The following GALNT17 variants were observed in gnomAD, a reference collection of about 807,000 sequenced individuals.
The protein encoded by GALNT17 is polypeptide N-acetylgalactosaminyltransferase 17, also known as UDP-GalNAc:polypeptide N-acetylgalactosaminyltransferase-like 3.
In GALNT17, 29 loss-of-function variants were observed where a neutral mutation model predicts 63.7. That is an observed-to-expected ratio of 0.46 (90% CI 0.34 to 0.62). The LOEUF (loss-of-function observed/expected upper bound fraction) is 0.62, where lower values mean the gene tolerates loss of function less well. Among genes scored for constraint, GALNT17 ranks in the 20% least tolerant of loss-of-function variants. The pLI, the probability that GALNT17 is intolerant of heterozygous loss-of-function variation, is 0.01. For synonymous variants in GALNT17, 305 were observed against 318.3 expected, an observed-to-expected ratio of 0.96 and a Z score of 0.45; for missense variants, 603 against 799.6, an observed-to-expected ratio of 0.75 and a Z score of 2.97.
intron 6 of GALNT17, among the ~76,000 whole-genome samples, chr7:71,661,585 CTT>C (rs1216509727): frequency 6.6e-6 from 1 of 152,156 alleles, no homozygotes; most frequent in Non-Finnish European, 1.5e-5. Context: ...AAAGTGCAGA[CTT>C]AGGCTGAGGC....
rs770258213 is a variant in GALNT17, at chr7:71,373,995, T to C, written c.423-14240T>C. Among the ~76,000 whole-genome samples, 120 of 152,242 alleles carry C rather than the reference T, an allele frequency of 7.9e-4. 3 individuals are homozygous for C. The highest frequency in any genetic ancestry group is 2.1e-4 in the Non-Finnish European group (14 of 68,052). ...GTTACCTATTCTTTCAGGTGCAATG[T>C]TGAAATCATTTCTCAAGTGCTAAAA... is the stretch of plus-strand genomic sequence containing the variant. On this transcript the variant is annotated intron_variant, in intron 2 of 10. Transcript: ENST00000333538.
intron 6 of GALNT17, among the ~76,000 whole-genome samples, chr7:71,640,511 A>G (rs1790588834): frequency 6.6e-6 from 1 of 152,182 alleles, no homozygotes; most frequent in Non-Finnish European, 1.5e-5. Flanking sequence ...AATGTAGGCT[A>G]GACATTTTTA....
intron 5 of GALNT17, among the ~76,000 whole-genome samples, chr7:71,470,131 C>A (rs1787603682): frequency 1.3e-5 from 2 of 152,148 alleles, no homozygotes; most frequent in Non-Finnish European, 2.9e-5. Context: ...ATCACTTGAA[C>A]CTGGGAGGCA....
At chr7:71,139,003 T>C (rs1309311131) in intron 1 of GALNT17, among the ~76,000 whole-genome samples, 1 of 152,098 alleles carries the variant, frequency 6.6e-6, no homozygotes, top group Non-Finnish European at 1.5e-5. Flanking sequence ...AAAAAGAAAG[T>C]GGACCTAGAG....
chr7:71,419,712 A>T (rs1786625039), intron 4 of GALNT17, among the ~76,000 whole-genome samples: 1 of 152,196 alleles, frequency 6.6e-6, no homozygotes, highest in African/African-American at 2.4e-5. Flanking sequence ...AAGCCTCCTT[A>T]GATGGCTGTG....
In GALNT17 at chr7:71,265,099, TA is replaced by T. The variant is rs1790464845; in HGVS notation, c.239-70450del. On this transcript the variant is annotated intron_variant, in intron 1 of 10. Coordinates refer to ENST00000333538, the MANE Select transcript of GALNT17 (RefSeq NM_022479.3). ...AATACCACACGTAACCCATAAATAT[TA>T]TATATATATATATATATATTTTTTT... 4.1e-4 allele frequency among the ~76,000 whole-genome samples: 19 copies of T among 46,004 alleles called. 1 individual carries two copies. Among genetic ancestry groups the T allele is most frequent in the South Asian group, 1.7e-3 (2 of 1,198 alleles). 30.2% of individuals were successfully genotyped at this position (46,004 alleles called of 152,430 possible).
intron 5 of GALNT17, among the ~76,000 whole-genome samples, chr7:71,565,429 C>T (rs1789326437): frequency 6.6e-6 from 1 of 151,988 alleles, no homozygotes. Flanking sequence ...CTCCTTTCCT[C>T]TCCCCTTCTC....
chr7:71,321,148 G>C (rs1331732695), intron 1 of GALNT17, among the ~76,000 whole-genome samples: 1 of 152,178 alleles, frequency 6.6e-6, no homozygotes, highest in East Asian at 1.9e-4. Context: ...CTTAGGTCTT[G>C]GCAGGGAGAG....
At chr7:71,434,489 C>A (rs1189426545) in intron 5 of GALNT17, among the ~76,000 whole-genome samples, 2 of 152,134 alleles carry the variant, frequency 1.3e-5, no homozygotes, top group Admixed American at 6.6e-5. Flanking sequence ...AGCAATCCAG[C>A]CAGGGGCCAA....
chr7:71,710,986 C>G, intron 10 of GALNT17, 58 bp downstream of exon 10: 1 of 1,577,078 alleles, frequency 6.3e-7, no homozygotes, highest in Non-Finnish European at 8.6e-7. Context: ...CTGCAGACCA[C>G]AGAGGGGAAT....
chr7:71,342,544 AC>A (rs1404059869), intron 2 of GALNT17, among the ~76,000 whole-genome samples: 1 of 152,220 alleles, frequency 6.6e-6, no homozygotes, highest in Non-Finnish European at 1.5e-5. Context: ...CAGAAAAAAA[AC>A]AAAAGCTCTC....
intron 1 of GALNT17, among the ~76,000 whole-genome samples, chr7:71,277,379 C>T (rs903310617): frequency 1.4e-4 from 21 of 152,076 alleles, no homozygotes; most frequent in East Asian, 7.7e-4. Flanking sequence ...GAAAACCACC[C>T]GTTGGATACA....
intron 5 of GALNT17, among the ~76,000 whole-genome samples, chr7:71,537,897 T>A (rs1788826292): frequency 6.6e-6 from 1 of 151,758 alleles, no homozygotes; most frequent in African/African-American, 2.4e-5. Flanking sequence ...GAGGCTGGGT[T>A]TGGGATTATG....
chr7:71,314,138 G>A (rs552825961), intron 1 of GALNT17, among the ~76,000 whole-genome samples: 131 of 152,140 alleles, frequency 8.6e-4, no homozygotes, highest in African/African-American at 3.0e-3. Flanking sequence ...AAAACCAAAC[G>A]CAATTGAAAT....
intron 1 of GALNT17, among the ~76,000 whole-genome samples, chr7:71,199,522 T>TC (rs1789122607): frequency 7.0e-5 from 10 of 142,680 alleles, no homozygotes; most frequent in African/African-American, 2.5e-4. Context: ...CCCCATCCAT[T>TC]CATCCATCCA....
In GALNT17 at chr7:71,355,613, A is replaced by G. The variant is rs138770234; in HGVS notation, c.422+19880A>G. On this transcript the variant is annotated intron_variant, in intron 2 of 10. Transcript: ENST00000333538. ...AGTGGCATGATCTCGGCCCACTGCA[A>G]CCTCTGCTTCCCAGGTTCAAGCAAT... Among the ~76,000 whole-genome samples, 1,168 of 152,052 alleles carry G rather than the reference A, an allele frequency of 7.7e-3. 33 individuals carry two copies. The highest frequency in any genetic ancestry group is 0.067 in the East Asian group (344 of 5,156).
intron 5 of GALNT17, among the ~76,000 whole-genome samples, chr7:71,474,493 C>G (rs1307015566): frequency 6.6e-6 from 1 of 152,072 alleles, no homozygotes; most frequent in Non-Finnish European, 1.5e-5. Context: ...GAATGAGTTA[C>G]TATCAGTAAA....
At chr7:71,477,774 A>G (rs940210597) in intron 5 of GALNT17, among the ~76,000 whole-genome samples, 3 of 152,182 alleles carry the variant, frequency 2.0e-5, no homozygotes, top group South Asian at 4.1e-4. Context: ...GTGGTCACTA[A>G]TAGTACCGGG....
intron 1 of GALNT17, among the ~76,000 whole-genome samples, chr7:71,224,405 A>G (rs546810156): frequency 6.6e-6 from 1 of 152,126 alleles, no homozygotes; most frequent in Non-Finnish European, 1.5e-5. Flanking sequence ...GATGTTTTCC[A>G]TTATTTTAAA....
Sources: gnomAD v4.1 joint callset for allele counts (sites outside exome capture counted in the v4.1 genomes callset) on GRCh38, gnomAD v4.1.1 for gene constraint, MANE v1.5 for transcripts, NCBI Gene and HGNC (gene_info 2026-07-23, HGNC 2026-07-21) for gene names.